Variants in BCAS3 observed in about 807,000 individuals in gnomAD.
The protein encoded by BCAS3 is BCAS4/BCAS3 fusion.
In BCAS3, 53 loss-of-function variants were observed where a neutral mutation model predicts 116.1. That is an observed-to-expected ratio of 0.46 (90% CI 0.37 to 0.57). BCAS3 has a LOEUF of 0.57. Ranked by LOEUF, BCAS3 falls within the 20% of genes least tolerant of loss-of-function variation. The probability of loss-of-function intolerance (pLI) is 0.00; values close to 1 mark genes in which losing one functional copy is unlikely to be tolerated. For missense variants in BCAS3, 917 were observed against 1,165.4 expected (o/e 0.79, Z 3.10); for synonymous variants, 391 against 408.2 (o/e 0.96, Z 0.51).
chr17:60,888,080 T>G (rs2056857230), intron 9 of BCAS3, among the ~76,000 whole-genome samples: 1 of 152,206 alleles, frequency 6.6e-6, no homozygotes, highest in African/African-American at 2.4e-5. Context: ...AGAGTCATGC[T>G]TATAAGGTTG....
At chr17:60,698,202 AAAAG>A (rs1222805715) in intron 4 of BCAS3, among the ~76,000 whole-genome samples, 2 of 151,732 alleles carry the variant, frequency 1.3e-5, no homozygotes, top group East Asian at 3.8e-4. Flanking sequence ...AAAAAAAAAA[AAAAG>A]AGCAGCAGTG....
chr17:61,324,131 A>G lies in BCAS3; in HGVS notation c.2426-44196A>G, dbSNP rs2144832563. ...GGGACATACTGGGACTCTTCCCATC[A>G]GGCTGCAAACTCCTCCAGAGGCAGG... On this transcript the variant is annotated intron_variant, in intron 22 of 23. Coordinates refer to ENST00000407086, the MANE Select transcript of BCAS3 (RefSeq NM_017679.5). The surrounding 1 kb of genome is among the most constrained non-coding windows in gnomAD (Gnocchi z 4.6). 6.6e-6 allele frequency among the ~76,000 whole-genome samples: 1 copy of G among 152,312 alleles called. No homozygotes were observed. The highest frequency in any genetic ancestry group is 1.5e-5 in the Non-Finnish European group (1 of 68,032).
In BCAS3 at chr17:61,261,562, T is replaced by C. The variant is rs1469005632; in HGVS notation, c.2426-106765T>C. ...TAGAAAAAAGAGCTGTTTATTTCTTTTCCGCATGTTTTCCCCCTAGTTTCA... is the reference window on the plus strand; with the variant it reads ...TAGAAAAAAGAGCTGTTTATTTCTTCTCCGCATGTTTTCCCCCTAGTTTCA... On this transcript the variant is annotated intron_variant, in intron 22 of 23. Transcript: ENST00000407086. The surrounding 1 kb of genome is among the most constrained non-coding windows in gnomAD (Gnocchi z 4.4). Among the ~76,000 whole-genome samples, 1 of 152,258 alleles carries C rather than the reference T, an allele frequency of 6.6e-6. No individual in the cohort carries two copies. Among genetic ancestry groups the C allele is most frequent in the Non-Finnish European group, 1.5e-5 (1 of 68,052 alleles).
chr17:61,382,751 A>T (rs2059668897), intron 23 of BCAS3: 1 of 152,222 alleles, frequency 6.6e-6, no homozygotes, highest in Non-Finnish European at 1.5e-5. Context: ...GGTGAATGGA[A>T]CCATTACCAT....
In BCAS3 at chr17:61,208,805, A is replaced by G. The variant is rs2081290606; in HGVS notation, c.2425+124241A>G. Among the ~76,000 whole-genome samples the G allele has an allele frequency of 6.6e-6, 1 of 152,028 alleles. No homozygotes were observed. ...TTGTCAGCTCGCTGGTGCTCTCTGCAAACTTGCAGTGCAAGTCTATGATAT... is the reference window on the plus strand; with the variant it reads ...TTGTCAGCTCGCTGGTGCTCTCTGCGAACTTGCAGTGCAAGTCTATGATAT... On this transcript the variant is annotated intron_variant, in intron 22 of 23. Transcript: ENST00000407086. The surrounding 1 kb of genome is among the most constrained non-coding windows in gnomAD (Gnocchi z 4.5).
intron 19 of BCAS3, among the ~76,000 whole-genome samples, chr17:61,062,635 A>G (rs977666513): frequency 1.3e-5 from 2 of 152,190 alleles, no homozygotes; most frequent in Admixed American, 1.3e-4. Flanking sequence ...AAGTTTGTGG[A>G]AAAAGGGAGT....
In BCAS3 at chr17:61,339,056, C is replaced by T. The variant is rs182450639; in HGVS notation, c.2426-29271C>T. Among the ~76,000 whole-genome samples, 448 of 152,088 alleles carry T rather than the reference C, an allele frequency of 2.9e-3. No homozygotes were observed. The highest frequency in any genetic ancestry group is 0.01 in the Middle Eastern group (3 of 294). ...GGAAAAAAAAAAATTCACAAAGACC[C>T]ATCTGCCTCTCCCATTTTCTCATGT... On this transcript the variant is annotated intron_variant, in intron 22 of 23. Coordinates refer to ENST00000407086, the MANE Select transcript of BCAS3 (RefSeq NM_017679.5). The surrounding 1 kb of genome is among the most constrained non-coding windows in gnomAD (Gnocchi z 4.4).
rs2058764025 is a variant in BCAS3 at position 61,366,866 on chromosome 17, A to G, written c.2426-1461A>G. Reference sequence around the variant, plus strand: ...GCCAGTAGTGACCCTTGCCACACATATAAATCGCAGCAGGCTGGCCAAGGG... The same window carrying G: ...GCCAGTAGTGACCCTTGCCACACATGTAAATCGCAGCAGGCTGGCCAAGGG... On this transcript the variant is annotated intron_variant, in intron 22 of 23. Transcript: ENST00000407086. The surrounding 1 kb of genome is among the most constrained non-coding windows in gnomAD (Gnocchi z 4.5). Among the ~76,000 whole-genome samples the G allele has an allele frequency of 6.6e-6, 1 of 152,216 alleles. No homozygotes were observed. The highest frequency in any genetic ancestry group is 2.4e-5 in the African/African-American group (1 of 41,464).
At chr17:61,003,483 A>G (rs2064424051) in intron 15 of BCAS3, among the ~76,000 whole-genome samples, 1 of 147,876 alleles carries the variant, frequency 6.8e-6, no homozygotes, top group Non-Finnish European at 1.5e-5. Context: ...AATCGAGACA[A>G]GGTTTTGCCA....
rs528126866 is a variant in BCAS3, at chr17:60,699,766, G to A, written c.215-9453G>A. Among the ~76,000 whole-genome samples the A allele has an allele frequency of 2.1e-3, 315 of 150,334 alleles. 1 individual carries two copies. Among genetic ancestry groups the A allele is most frequent in the African/African-American group, 7.5e-3 (308 of 41,096 alleles). ...GGTAAAGAGGTATGTCATTATTGGT[G>A]TTTTAAAAAGAGCAGTTGGCTGGGA... On this transcript the variant is annotated intron_variant, in intron 4 of 23. Transcript: ENST00000407086.
chr17:61,044,465 A>AAAAAAAAAAAAATAAATAT, intron 19 of BCAS3, among the ~76,000 whole-genome samples: 1 of 120,126 alleles, frequency 8.3e-6, no homozygotes, highest in African/African-American at 5.0e-5. Context: ...AAAAAAAAAA[A>AAAAAAAAAAAAATAAATAT]ATATATATAT....
chr17:60,774,023 G>A (rs2045025271), intron 6 of BCAS3, among the ~76,000 whole-genome samples: 1 of 152,010 alleles, frequency 6.6e-6, no homozygotes. Flanking sequence ...TTCTACCTAT[G>A]GCTTGTCTTC....
chr17:61,008,834 G>A lies in BCAS3; in HGVS notation c.1487-6917G>A, dbSNP rs546246533. Reference sequence around the variant, plus strand: ...GTGTTGCAAAGAGGGCAAAAATAAAGGAGATATTTGGGACTGGGGCTGTTT... The same window carrying A: ...GTGTTGCAAAGAGGGCAAAAATAAAAGAGATATTTGGGACTGGGGCTGTTT... On this transcript the variant is annotated intron_variant, in intron 15 of 23. Coordinates refer to ENST00000407086, the MANE Select transcript of BCAS3 (RefSeq NM_017679.5). This position sits in a 1 kb window ranked among gnomAD's most constrained non-coding sequence, Gnocchi z 4.6. Among the ~76,000 whole-genome samples the A allele has an allele frequency of 6.6e-5, 10 of 152,132 alleles. No individual in the cohort carries two copies. The highest frequency in any genetic ancestry group is 1.3e-4 in the Non-Finnish European group (9 of 67,928).
chr17:60,917,521 C>A (rs1367912772), intron 12 of BCAS3, among the ~76,000 whole-genome samples: 1 of 152,132 alleles, frequency 6.6e-6, no homozygotes, highest in African/African-American at 2.4e-5. Flanking sequence ...TAATATTCCA[C>A]TGAATGTGTA....
At chr17:60,969,808 CAG>C in intron 14 of BCAS3, among the ~76,000 whole-genome samples, 1 of 152,296 alleles carries the variant, frequency 6.6e-6, no homozygotes, top group Non-Finnish European at 1.5e-5. Flanking sequence ...ATTGCACACA[CAG>C]AAAGTACATT....
rs558140717 is a variant in BCAS3, at chr17:60,831,000, T to C, written c.476+22924T>C. On this transcript the variant is annotated intron_variant, in intron 7 of 23. Coordinates refer to ENST00000407086, the MANE Select transcript of BCAS3 (RefSeq NM_017679.5). Reference sequence around the variant, plus strand: ...AGTTCTCCCACTTCAGCCTCCCTAGTAGCTGGGACTACAGGTGTGTCCCAC... The same window carrying C: ...AGTTCTCCCACTTCAGCCTCCCTAGCAGCTGGGACTACAGGTGTGTCCCAC... Among the ~76,000 whole-genome samples, 3 of 152,206 alleles carry C rather than the reference T, an allele frequency of 2.0e-5. No homozygotes were observed. In the South Asian group the frequency reaches 6.2e-4, roughly 32 times the overall value.
At chr17:60,689,796 A>G (rs1230493375) in intron 4 of BCAS3, 35 bp downstream of exon 4, 4 of 1,452,136 alleles carry the variant, frequency 2.8e-6, no homozygotes, top group Non-Finnish European at 3.9e-6. Flanking sequence ...CGTGTGAATT[A>G]ATTGTTTGTT....
intron 6 of BCAS3, among the ~76,000 whole-genome samples, chr17:60,754,756 G>A (rs12950432): frequency 0.82 from 123,130 of 150,312 alleles, 51,795 homozygotes; most frequent in South Asian, 0.98. Context: ...CTGTTCAGCC[G>A]AAACACTAGC....
intron 12 of BCAS3, among the ~76,000 whole-genome samples, chr17:60,912,485 A>C (rs994625667): frequency 2.0e-5 from 3 of 152,154 alleles, no homozygotes; most frequent in African/African-American, 7.2e-5. Context: ...ATTACAACAA[A>C]AAAACTTTGA....
Sources: gnomAD v4.1 joint callset for allele counts (sites outside exome capture counted in the v4.1 genomes callset) on GRCh38, gnomAD v4.1.1 for gene constraint, Gnocchi (gnomAD v3.1) non-coding constraint, MANE v1.5 for transcripts, NCBI Gene and HGNC (gene_info 2026-07-23, HGNC 2026-07-21) for gene names.